PPP4R4: variants seen among roughly 807,000 people sequenced by gnomAD.
PPP4R4 encodes protein phosphatase 4 regulatory subunit 4.
In PPP4R4, 70 loss-of-function variants were observed where a neutral mutation model predicts 121.8. The ratio of observed to expected loss-of-function variants is 0.57; its 90% CI spans 0.47 to 0.70. PPP4R4 has a LOEUF of 0.70. PPP4R4 is among the 30% of genes least tolerant of loss of function. The pLI, the probability that PPP4R4 is intolerant of heterozygous loss-of-function variation, is 0.00. For synonymous variants in PPP4R4, 348 were observed against 355.7 expected, an observed-to-expected ratio of 0.98 and a Z score of 0.24; for missense variants, 875 against 1,033.6, an observed-to-expected ratio of 0.85 and a Z score of 2.10.
At chr14:94,193,065 C>T (rs985259246) in intron 2 of PPP4R4, among the ~76,000 whole-genome samples, 8 of 152,128 alleles carry the variant, frequency 5.3e-5, no homozygotes, top group East Asian at 1.9e-4. Context: ...TAGGCAATAT[C>T]GTAAACTAAG....
intron 3 of PPP4R4, among the ~76,000 whole-genome samples, chr14:94,211,210 A>G (rs1890722127): frequency 6.6e-6 from 1 of 152,224 alleles, no homozygotes; most frequent in African/African-American, 2.4e-5. Context: ...CTCAAGGAGG[A>G]GGCTACAGTC....
intron 14 of PPP4R4, among the ~76,000 whole-genome samples, chr14:94,247,288 A>C (rs74074159): frequency 6.6e-6 from 1 of 152,196 alleles, no homozygotes; most frequent in Non-Finnish European, 1.5e-5. Context: ...GACAAGCCCA[A>C]CTGGTCAGGC....
rs986145723 is a variant in PPP4R4 at position 94,185,875 on chromosome 14, A to G, written c.191+9748A>G. 8.5e-5 allele frequency among the ~76,000 whole-genome samples: 13 copies of G among 152,300 alleles called. No individual in the cohort carries two copies. The South Asian group carries it at 2.5e-3, about 29-fold the overall frequency. On this transcript the variant is annotated intron_variant, in intron 2 of 24. Transcript: ENST00000304338. ...TTGATGAGTTTTGACAAATGGGTAC[A>G]CCTGTGTAACTAGCACAAAATATAG...
At chr14:94,201,206 A>G (rs889180659) in intron 2 of PPP4R4, among the ~76,000 whole-genome samples, 2 of 151,756 alleles carry the variant, frequency 1.3e-5, no homozygotes, top group Non-Finnish European at 2.9e-5. Context: ...TGTAATTTTG[A>G]TTTTCTTAAA....
At chr14:94,202,665 T>TA (rs1231694231) in intron 2 of PPP4R4, among the ~76,000 whole-genome samples, 1 of 152,184 alleles carries the variant, frequency 6.6e-6, no homozygotes, top group Non-Finnish European at 1.5e-5. Flanking sequence ...AAAATTCTGT[T>TA]ACATTAACTG....
At position 94,258,827 on chromosome 14, in the gene PPP4R4, A is replaced by G. The variant is rs955189023; in HGVS notation, c.2052+3A>G. The G allele has an allele frequency of 6.3e-7, 1 of 1,585,422 alleles. No individual in the cohort carries two copies. Among genetic ancestry groups the G allele is most frequent in the Non-Finnish European group, 8.7e-7 (1 of 1,155,158 alleles). ...GAATGGAAATGTCTATGGATGCTGT[A>G]AGTATACTCTCTTTACCTTATTGTG... On this transcript the variant is annotated splice_donor_region_variant and intron_variant, in intron 18 of 24. Transcript: ENST00000304338.
chr14:94,234,634 G>A lies in PPP4R4; in HGVS notation c.696G>A (p.Met232Ile). The part of the protein sequence containing the change: ...QDVEYEVRSC[M>I]CRQLENIAQG... ...TAGAATATGAAGTTCGATCTTGTATGTGTCGGCAATTAGAAAATATAGCCC... is the reference window on the plus strand; with the variant it reads ...TAGAATATGAAGTTCGATCTTGTATATGTCGGCAATTAGAAAATATAGCCC... Residue 232 changes from methionine (M) to isoleucine (I), a missense_variant, in exon 7 of 25, where the codon ATG becomes ATA. Coordinates refer to ENST00000304338, the MANE Select transcript of PPP4R4 (RefSeq NM_058237.2). 6.2e-7 allele frequency: 1 copy of A among 1,606,358 alleles called. No individual in the cohort carries two copies. Among genetic ancestry groups the A allele is most frequent in the East Asian group, 2.2e-5 (1 of 44,756 alleles).
intron 4 of PPP4R4, among the ~76,000 whole-genome samples, 173 bp from the exon 5 acceptor site, chr14:94,231,069 A>T (rs1231286766): frequency 6.6e-6 from 1 of 152,232 alleles, no homozygotes; most frequent in East Asian, 1.9e-4. Flanking sequence ...TTAAAAATAT[A>T]AAAATTTTCT....
At chr14:94,206,165 T>G (rs951991892) in intron 2 of PPP4R4, among the ~76,000 whole-genome samples, 2 of 151,974 alleles carry the variant, frequency 1.3e-5, no homozygotes, top group Non-Finnish European at 2.9e-5. Flanking sequence ...GTATACACAC[T>G]TAGGTTTGCT....
chr14:94,218,146 AG>A (rs1891131254), intron 3 of PPP4R4, among the ~76,000 whole-genome samples: 1 of 152,340 alleles, frequency 6.6e-6, no homozygotes, highest in Admixed American at 6.5e-5. Flanking sequence ...GATAGAAAAG[AG>A]TGAAAAATGA....
In PPP4R4 at chr14:94,278,532, C is replaced by T. The variant is rs140782730; in HGVS notation, c.2598-87C>T. ...TACTTTGTACACATTATATGAATAA[C>T]ATTTTTCATATTTTTTTCTTTTTCT... is the stretch of plus-strand genomic sequence containing the variant. On this transcript the variant is annotated intron_variant, in intron 24 of 24. Coordinates refer to ENST00000304338, the MANE Select transcript of PPP4R4 (RefSeq NM_058237.2). 3,279 of 749,322 alleles carry T rather than the reference C, an allele frequency of 4.4e-3. 25 individuals are homozygous for T. Among genetic ancestry groups the T allele is most frequent in the South Asian group, 0.012 (597 of 48,446 alleles). 46.4% of individuals were successfully genotyped at this position (749,322 alleles called of 1,614,324 possible). A position where few individuals can be genotyped will look rare whatever the true frequency, so the allele number is the denominator to read the frequency against.
chr14:94,251,959 T>C, intron 16 of PPP4R4, 63 bp downstream of exon 16: 1 of 1,373,700 alleles, frequency 7.3e-7, no homozygotes. Context: ...ATAGTGAACA[T>C]ATGCAAAATC....
intron 2 of PPP4R4, among the ~76,000 whole-genome samples, chr14:94,187,007 T>C (rs1449499677): frequency 6.6e-6 from 1 of 152,178 alleles, no homozygotes; most frequent in Non-Finnish European, 1.5e-5. Context: ...TTATGTAATG[T>C]TTATTCTTTG....
chr14:94,253,461 A>T (rs1048464348), intron 16 of PPP4R4, among the ~76,000 whole-genome samples: 1 of 152,222 alleles, frequency 6.6e-6, no homozygotes, highest in Admixed American at 6.5e-5. Flanking sequence ...CTTCGTCTCA[A>T]AAAAAGGAAC....
In PPP4R4 at chr14:94,265,043, G is replaced by C. The variant is rs116470249; in HGVS notation, c.2197+96G>C. On this transcript the variant is annotated intron_variant, in intron 20 of 24. Coordinates refer to ENST00000304338, the MANE Select transcript of PPP4R4 (RefSeq NM_058237.2). ...CATGCTGAATTTTTTATTTGATATG[G>C]AAAATTGCTTTACTTTCTTTCATTT... 1,301 of 1,085,742 alleles carry C rather than the reference G, an allele frequency of 1.2e-3. 13 individuals are homozygous for C. In the African/African-American group the frequency reaches 0.018, roughly 15 times the overall value. 67.3% of individuals were successfully genotyped at this position (1,085,742 alleles called of 1,614,324 possible).
chr14:94,259,309 T>G lies in PPP4R4; in HGVS notation c.2067T>G (p.Phe689Leu). The G allele has an allele frequency of 6.2e-7, 1 of 1,606,918 alleles. No homozygotes were observed. Among genetic ancestry groups the G allele is most frequent in the Non-Finnish European group, 8.5e-7 (1 of 1,177,878 alleles). ...ACTTTAAACAGTTTCAGAAAAAGTT[T>G]TATGAGAAAGATTTGTTGGATCAAG... ...EMSMDAFQKK[F>L]YEKDLLDQEK... is the part of the protein sequence containing the mutation. The change falls in exon 19 of 25, where the codon TTT (phenylalanine) becomes TTG (leucine). Residue 689 changes from phenylalanine (F) to leucine (L), a missense_variant. Physicochemically the swap from Phe to Leu is conservative, Grantham distance 22 (BLOSUM62 0). Transcript: ENST00000304338.
At chr14:94,270,941 C>G (rs1273175466) in intron 23 of PPP4R4, among the ~76,000 whole-genome samples, 1 of 149,360 alleles carries the variant, frequency 6.7e-6, no homozygotes, top group Non-Finnish European at 1.5e-5. Context: ...ACAACAACAA[C>G]AACAAAAAAA....
rs188019770 is a variant in PPP4R4, at chr14:94,248,313, A to G, written c.1611+1774A>G. ...AATCAAGAATGCAATCCCAATTTTA[A>G]TAGCCACAAAAAAAATATCCAGTAA... On this transcript the variant is annotated intron_variant, in intron 14 of 24. Transcript: ENST00000304338. Among the ~76,000 whole-genome samples, 8 of 152,292 alleles carry G rather than the reference A, an allele frequency of 5.3e-5. No individual in the cohort carries two copies. The East Asian group carries it at 1.5e-3, about 29-fold the overall frequency.
chr14:94,265,002 T>C, intron 20 of PPP4R4, 55 bp downstream of exon 20: 1 of 1,287,962 alleles, frequency 7.8e-7, no homozygotes. Flanking sequence ...TGTTGCATCC[T>C]GGTATTCTGA....
Sources: allele counts gnomAD v4.1 joint callset (sites outside exome capture counted in the v4.1 genomes callset), GRCh38; gene constraint gnomAD v4.1.1; transcripts MANE v1.5; gene names NCBI Gene and HGNC (gene_info 2026-07-23, HGNC 2026-07-21).